NEK11: variants seen among roughly 807,000 people sequenced by gnomAD.
NEK11 encodes the protein NIMA related kinase 11.
Under a neutral mutation model 80.7 loss-of-function variants are expected in NEK11, and 72 were observed. The observed-to-expected ratio is 0.89, with a 90% CI of 0.74 to 1.08. The LOEUF is 1.08. NEK11 is among the 50% of genes least tolerant of loss of function. NEK11 has a pLI of 0.00. For missense variants in NEK11, 764 were observed against 763.6 expected, an observed-to-expected ratio of 1.00 and a Z score of -0.01; for synonymous variants, 251 against 260.7, an observed-to-expected ratio of 0.96 and a Z score of 0.36.
At chr3:131,256,737 G>A (rs573423969) in intron 16 of NEK11, among the ~76,000 whole-genome samples, 1 of 152,182 alleles carries the variant, frequency 6.6e-6, no homozygotes, top group African/African-American at 2.4e-5. Context: ...ATCACCCAGG[G>A]CCACAGTCAT....
chr3:131,322,584 A>G (rs1053260282), intron 17 of NEK11, among the ~76,000 whole-genome samples: 4 of 152,208 alleles, frequency 2.6e-5, no homozygotes, highest in African/African-American at 9.6e-5. Context: ...GTGTTTCTCG[A>G]ACTCTAATGT....
intron 16 of NEK11, among the ~76,000 whole-genome samples, chr3:131,266,910 T>A (rs772188797): frequency 6.6e-6 from 1 of 152,236 alleles, no homozygotes; most frequent in African/African-American, 2.4e-5. Flanking sequence ...TAGTTAGCTG[T>A]TCTTGTTGCA....
chr3:131,233,594 G>A (rs1028813493), intron 15 of NEK11, among the ~76,000 whole-genome samples: 1 of 152,178 alleles, frequency 6.6e-6, no homozygotes, highest in Non-Finnish European at 1.5e-5. Flanking sequence ...TCATGAGTTA[G>A]GGATTTCATG....
chr3:131,038,836 TC>T, intron 3 of NEK11, among the ~76,000 whole-genome samples: 1 of 152,348 alleles, frequency 6.6e-6, no homozygotes, highest in African/African-American at 2.4e-5. Flanking sequence ...TCCACTCTGT[TC>T]TTTCAATGTG....
intron 11 of NEK11, among the ~76,000 whole-genome samples, chr3:131,164,678 T>A (rs1032101787): frequency 6.6e-6 from 1 of 152,226 alleles, no homozygotes; most frequent in Admixed American, 6.5e-5. Context: ...TATTTGAAAG[T>A]AATGGTTTTA....
chr3:131,171,553 G>A (rs992820746), intron 14 of NEK11, among the ~76,000 whole-genome samples: 5 of 152,172 alleles, frequency 3.3e-5, no homozygotes, highest in African/African-American at 9.7e-5. Flanking sequence ...AAAAAAGTTG[G>A]CCCTATCAGA....
intron 4 of NEK11, among the ~76,000 whole-genome samples, chr3:131,084,118 C>T (rs971173697): frequency 1.3e-5 from 2 of 152,186 alleles, no homozygotes; most frequent in African/African-American, 4.8e-5. Context: ...CTCATAAACT[C>T]GTGGCTAGAA....
intron 17 of NEK11, among the ~76,000 whole-genome samples, chr3:131,349,154 G>A (rs972289965): frequency 5.9e-5 from 9 of 152,238 alleles, no homozygotes; most frequent in South Asian, 2.1e-4. Context: ...CACTTCCTCA[G>A]AAGGATTTTC....
chr3:131,075,463 C>T (rs1347067024), intron 3 of NEK11, among the ~76,000 whole-genome samples: 1 of 151,990 alleles, frequency 6.6e-6, no homozygotes, highest in Non-Finnish European at 1.5e-5. Context: ...CTGGCTTTTC[C>T]ATTATTTTTA....
intron 17 of NEK11, among the ~76,000 whole-genome samples, chr3:131,334,302 C>G (rs74754847): frequency 0.13 from 19,538 of 151,784 alleles, 1,856 homozygotes; most frequent in East Asian, 0.3. Flanking sequence ...TAGATCTCAG[C>G]ATTAAGAAAC....
chr3:131,239,022 A>C (rs754563824), intron 15 of NEK11, among the ~76,000 whole-genome samples: 7 of 152,154 alleles, frequency 4.6e-5, no homozygotes, highest in Non-Finnish European at 7.4e-5. Flanking sequence ...ATAGGTCTGC[A>C]GCCTGCATTG....
chr3:131,115,992 T>TTCTTTCTCTTTCTTTCTTTCTTTCTTTC (rs1553878713), intron 5 of NEK11, among the ~76,000 whole-genome samples: 1 of 123,218 alleles, frequency 8.1e-6, no homozygotes, highest in Non-Finnish European at 1.8e-5. Flanking sequence ...CTTTCTTTAT[T>TTCTTTCTCTTTCTTTCTTTCTTTCTTTC]ATACTTTAAG....
At chr3:131,153,183 G>A (rs2090020302) in intron 9 of NEK11, among the ~76,000 whole-genome samples, 1 of 152,102 alleles carries the variant, frequency 6.6e-6, no homozygotes, top group South Asian at 2.1e-4. Context: ...ATTCCCCAGT[G>A]CCACTGAAAA....
chr3:131,168,645 C>T (rs576871364), intron 12 of NEK11, among the ~76,000 whole-genome samples, 185 bp from the exon 13 acceptor site: 3 of 152,134 alleles, frequency 2.0e-5, no homozygotes, highest in East Asian at 1.9e-4. Flanking sequence ...CGTGAGCCAC[C>T]GCGCCCGGCC....
Position 131,187,803 on chromosome 3 carries a change from T to C in NEK11, c.1399+16916T>C, listed in dbSNP as rs1043132848. Among the ~76,000 whole-genome samples, 16 of 152,132 alleles carry C rather than the reference T, an allele frequency of 1.1e-4. 1 individual carries two copies. Among genetic ancestry groups the C allele is most frequent in the Admixed American group, 1.0e-3 (16 of 15,246 alleles). On this transcript the variant is annotated intron_variant, in intron 14 of 17. Coordinates refer to ENST00000383366, the MANE Select transcript of NEK11 (RefSeq NM_024800.5). ...GTGTAGCAAGTGAAAGCCCCAAAAGTCACACAGATTGAAAATAAAGTATTT... is the reference window on the plus strand; with the variant it reads ...GTGTAGCAAGTGAAAGCCCCAAAAGCCACACAGATTGAAAATAAAGTATTT...
chr3:131,296,488 G>A (rs1581553989), intron 17 of NEK11, among the ~76,000 whole-genome samples: 1 of 152,134 alleles, frequency 6.6e-6, no homozygotes, highest in East Asian at 1.9e-4. Flanking sequence ...TGCAAGGCAG[G>A]TCTCCTAGCA....
chr3:131,274,767 C>T (rs1184278912), intron 17 of NEK11, among the ~76,000 whole-genome samples: 3 of 149,532 alleles, frequency 2.0e-5, no homozygotes, highest in African/African-American at 4.9e-5. Flanking sequence ...CATTCTCCTG[C>T]CTCAGCCTCC....
At chr3:131,099,171 A>G (rs1367313124) in intron 4 of NEK11, among the ~76,000 whole-genome samples, 1 of 152,346 alleles carries the variant, frequency 6.6e-6, no homozygotes, top group East Asian at 1.9e-4. Flanking sequence ...GTAAGGGTCC[A>G]GTTTCAGTCT....
At chr3:131,341,149 G>T (rs2110369420) in intron 17 of NEK11, among the ~76,000 whole-genome samples, 1 of 152,258 alleles carries the variant, frequency 6.6e-6, no homozygotes, top group South Asian at 2.1e-4. Flanking sequence ...AAATTCAAAT[G>T]CATCATTGCA....
Sources: allele counts gnomAD v4.1 joint callset (sites outside exome capture counted in the v4.1 genomes callset), GRCh38; gene constraint gnomAD v4.1.1; transcripts MANE v1.5; gene names NCBI Gene and HGNC (gene_info 2026-07-23, HGNC 2026-07-21).